Variants in ASIC2 observed in about 807,000 individuals in gnomAD.
The protein encoded by ASIC2 is acid sensing ion channel subunit 2, also known as acid-sensing ion channel 2.
Under a neutral mutation model 57.3 loss-of-function variants are expected in ASIC2, and 25 were observed. The ratio of observed to expected loss-of-function variants is 0.44; its 90% confidence interval spans 0.32 to 0.61. ASIC2 has a LOEUF of 0.61. ASIC2 is among the 20% of genes least tolerant of loss of function. ASIC2 has a pLI of 0.06. For synonymous variants in ASIC2, 319 were observed against 307.5 expected, an observed-to-expected ratio of 1.04 and a Z score of -0.39; for missense variants, 641 against 738.1, an observed-to-expected ratio of 0.87 and a Z score of 1.52.
intron 1 of ASIC2, among the ~76,000 whole-genome samples, chr17:33,433,175 A>G (rs1911477971): frequency 6.6e-6 from 1 of 152,352 alleles, no homozygotes; most frequent in East Asian, 1.9e-4. Context: ...AGTAGACTGG[A>G]TAAAGAAAAT....
intron 1 of ASIC2, among the ~76,000 whole-genome samples, chr17:33,784,904 A>T (rs1046210154): frequency 6.6e-6 from 1 of 151,754 alleles, no homozygotes; most frequent in African/African-American, 2.4e-5. Context: ...GTACTTTATC[A>T]TTTTTTTTCC....
intron 1 of ASIC2, among the ~76,000 whole-genome samples, chr17:33,956,007 C>A (rs1412919614): frequency 6.6e-6 from 1 of 152,032 alleles, no homozygotes; most frequent in Non-Finnish European, 1.5e-5. Context: ...GAGGGCCCAT[C>A]ATTAGACTAT....
intron 5 of ASIC2, among the ~76,000 whole-genome samples, chr17:33,025,522 A>G (rs1329949466): frequency 6.6e-6 from 1 of 152,088 alleles, no homozygotes; most frequent in Admixed American, 6.5e-5. Context: ...TGTAGACACC[A>G]TCAGAGTGTG....
At chr17:33,867,619 G>C (rs1339825572) in intron 1 of ASIC2, among the ~76,000 whole-genome samples, 3 of 152,232 alleles carry the variant, frequency 2.0e-5, no homozygotes, top group Non-Finnish European at 4.4e-5. Flanking sequence ...ACAAGGGAAA[G>C]ACTGCCTGTC....
intron 1 of ASIC2, among the ~76,000 whole-genome samples, chr17:33,980,416 G>A (rs1053021887): frequency 1.3e-5 from 2 of 152,154 alleles, no homozygotes; most frequent in Non-Finnish European, 2.9e-5. Flanking sequence ...CTCAGTGGGC[G>A]AGAAGAAAGG....
At chr17:34,035,119 T>G (rs9747097) in intron 1 of ASIC2, among the ~76,000 whole-genome samples, 19,146 of 148,614 alleles carry the variant, frequency 0.13, 1,346 homozygotes, top group South Asian at 0.19. Flanking sequence ...ATACTACAAG[T>G]CTACAGTAAC....
intron 1 of ASIC2, among the ~76,000 whole-genome samples, chr17:33,377,970 A>C (rs1909341013): frequency 6.6e-6 from 1 of 152,208 alleles, no homozygotes. Context: ...TCAGCAGCCA[A>C]ATGGGTTGCC....
chr17:33,091,323 G>A (rs1024320377), intron 2 of ASIC2, among the ~76,000 whole-genome samples: 6 of 152,196 alleles, frequency 3.9e-5, no homozygotes, highest in South Asian at 2.1e-4. Context: ...TGGGGAAGAA[G>A]GGTGAGTGTG....
chr17:33,602,189 A>G (rs555820212), intron 1 of ASIC2, among the ~76,000 whole-genome samples: 5 of 152,334 alleles, frequency 3.3e-5, no homozygotes, highest in African/African-American at 9.6e-5. Context: ...GGATAGAATG[A>G]AGGTATTTTC....
At chr17:33,426,159 T>C (rs1911213734) in intron 1 of ASIC2, among the ~76,000 whole-genome samples, 1 of 152,178 alleles carries the variant, frequency 6.6e-6, no homozygotes, top group Non-Finnish European at 1.5e-5. Context: ...TGTTTTGCTG[T>C]GCTGGACATG....
intron 1 of ASIC2, among the ~76,000 whole-genome samples, chr17:33,464,467 C>CT (rs1365508707): frequency 1.5e-4 from 13 of 85,428 alleles, no homozygotes; most frequent in Non-Finnish European, 4.5e-5. Flanking sequence ...CTCTTTCTTT[C>CT]TTTCTTTCTT....
At chr17:33,608,496 C>T (rs182885494) in intron 1 of ASIC2, among the ~76,000 whole-genome samples, 200 of 152,206 alleles carry the variant, frequency 1.3e-3, no homozygotes, top group Non-Finnish European at 2.4e-3. Context: ...TCAGTTCTGG[C>T]CACTTGACTG....
intron 1 of ASIC2, among the ~76,000 whole-genome samples, chr17:33,724,819 C>T (rs938183752): frequency 1.3e-5 from 2 of 148,956 alleles, no homozygotes; most frequent in Non-Finnish European, 2.9e-5. Context: ...CATCAATACC[C>T]TCAACCCCCA....
chr17:33,595,092 G>A (rs1051149851), intron 1 of ASIC2, among the ~76,000 whole-genome samples: 1 of 152,082 alleles, frequency 6.6e-6, no homozygotes, highest in African/African-American at 2.4e-5. Flanking sequence ...TGGGCTTGGC[G>A]GCAAGTACCT....
At chr17:33,343,533 C>T (rs1295726914) in intron 1 of ASIC2, among the ~76,000 whole-genome samples, 1 of 152,152 alleles carries the variant, frequency 6.6e-6, no homozygotes, top group Admixed American at 6.5e-5. Context: ...CTAAAAGCTC[C>T]CCTGACATGG....
intron 1 of ASIC2, among the ~76,000 whole-genome samples, chr17:33,739,326 G>A (rs1253003666): frequency 6.6e-6 from 1 of 152,232 alleles, no homozygotes; most frequent in South Asian, 2.1e-4. Context: ...AAAGGGTGGA[G>A]GGAAGAGCAT....
chr17:33,405,421 C>T (rs1910433887), intron 1 of ASIC2, among the ~76,000 whole-genome samples: 1 of 151,820 alleles, frequency 6.6e-6, no homozygotes, highest in Non-Finnish European at 1.5e-5. Context: ...GAGAGATCAC[C>T]CCTCCCAGGA....
chr17:33,643,706 G>T (rs2067228627), intron 1 of ASIC2, among the ~76,000 whole-genome samples: 1 of 152,116 alleles, frequency 6.6e-6, no homozygotes, highest in African/African-American at 2.4e-5. Flanking sequence ...AAAATTATTA[G>T]TGTCTTAGTT....
At chr17:33,805,869 T>C (rs1264681767) in intron 1 of ASIC2, among the ~76,000 whole-genome samples, 2 of 152,224 alleles carry the variant, frequency 1.3e-5, no homozygotes, top group African/African-American at 2.4e-5. Flanking sequence ...TAATATTACA[T>C]GGAACACGCT....
Sources: gnomAD v4.1 joint callset for allele counts (sites outside exome capture counted in the v4.1 genomes callset) on GRCh38, gnomAD v4.1.1 for gene constraint, MANE v1.5 for transcripts, NCBI Gene and HGNC (gene_info 2026-07-23, HGNC 2026-07-21) for gene names.